PCDH9: variants seen among roughly 807,000 people sequenced by gnomAD.
PCDH9 encodes protocadherin 9.
In PCDH9, 24 loss-of-function variants were observed where a neutral mutation model predicts 70.6. That is an observed-to-expected ratio of 0.34 (90% CI 0.25 to 0.48). The LOEUF (loss-of-function observed/expected upper bound fraction) is 0.48. PCDH9 is among the 20% of genes least tolerant of loss of function. PCDH9 has a pLI of 0.99. For missense variants in PCDH9, 1,281 were observed against 1,503.6 expected (o/e 0.85, Z 2.45); for synonymous variants, 562 against 558.5 (o/e 1.01, Z -0.09).
intron 4 of PCDH9, among the ~76,000 whole-genome samples, chr13:66,351,135 T>A (rs1956285351): frequency 6.6e-6 from 1 of 152,152 alleles, no homozygotes; most frequent in Admixed American, 6.5e-5. Flanking sequence ...GACACTGTAC[T>A]AAATACTTTA....
In PCDH9 at chr13:66,571,746, A is replaced by C. The variant is rs77252222; in HGVS notation, c.3340+59464T>G. ...GAGAAACTCAAGAGTGACTGGGTAA[A>C]TAATTCTTCTGAGGTCACAAAATAG... On this transcript the variant is annotated intron_variant, in intron 4 of 4. Coordinates refer to ENST00000377865, the MANE Select transcript of PCDH9 (RefSeq NM_203487.3). Among the ~76,000 whole-genome samples the C allele has an allele frequency of 2.3e-4, 35 of 152,210 alleles. No homozygotes were observed. In the East Asian group the frequency reaches 6.6e-3, roughly 29 times the overall value.
chr13:66,383,796 A>C (rs907643608), intron 4 of PCDH9, among the ~76,000 whole-genome samples: 1 of 152,206 alleles, frequency 6.6e-6, no homozygotes, highest in African/African-American at 2.4e-5. Flanking sequence ...TTCCTTAGCA[A>C]GCTAATCTTC....
chr13:66,673,746 T>C (rs2078208024), intron 3 of PCDH9, among the ~76,000 whole-genome samples: 1 of 152,152 alleles, frequency 6.6e-6, no homozygotes, highest in Admixed American at 6.6e-5. Context: ...AACACACCAT[T>C]TGTTCTCAAT....
At chr13:66,825,126 G>C (rs2080795218) in intron 3 of PCDH9, 1 of 151,558 alleles carries the variant, frequency 6.6e-6, no homozygotes, top group Admixed American at 6.6e-5. Flanking sequence ...ATGTAAAAGA[G>C]AAAAGTGGTT....
intron 2 of PCDH9, among the ~76,000 whole-genome samples, chr13:67,023,865 A>C (rs182418143): frequency 6.6e-6 from 1 of 152,360 alleles, no homozygotes; most frequent in African/African-American, 2.4e-5. Context: ...AAAGTCTATC[A>C]GAAAGAATAT....
intron 3 of PCDH9, among the ~76,000 whole-genome samples, chr13:66,816,814 G>T (rs2080613357): frequency 4.6e-5 from 7 of 151,356 alleles, no homozygotes; most frequent in Admixed American, 4.6e-4. Context: ...AATCCCCGTG[G>T]ATTGAAATTA....
intron 2 of PCDH9, among the ~76,000 whole-genome samples, chr13:67,136,849 G>C (rs1270488225): frequency 1.3e-5 from 2 of 151,972 alleles, no homozygotes; most frequent in Non-Finnish European, 2.9e-5. Flanking sequence ...GTTTACAAAG[G>C]TTAGTTTATA....
At chr13:67,189,722 C>T (rs746360054) in intron 2 of PCDH9, among the ~76,000 whole-genome samples, 5 of 151,758 alleles carry the variant, frequency 3.3e-5, no homozygotes, top group Admixed American at 1.3e-4. Flanking sequence ...AAAGCAATAA[C>T]GAGGCAGTAC....
intron 2 of PCDH9, among the ~76,000 whole-genome samples, chr13:67,114,309 T>C (rs1194806741): frequency 6.6e-6 from 1 of 152,202 alleles, no homozygotes; most frequent in Non-Finnish European, 1.5e-5. Flanking sequence ...CTGTGCTTTA[T>C]ACATGAAAAG....
At chr13:66,356,461 G>A (rs1956384072) in intron 4 of PCDH9, among the ~76,000 whole-genome samples, 1 of 151,840 alleles carries the variant, frequency 6.6e-6, no homozygotes, top group Non-Finnish European at 1.5e-5. Context: ...CCTCTCTGCA[G>A]GTTCATAATT....
chr13:66,395,975 A>G (rs1957095476), intron 4 of PCDH9, among the ~76,000 whole-genome samples: 1 of 152,234 alleles, frequency 6.6e-6, no homozygotes. Flanking sequence ...ATGATTTAAA[A>G]AGTATTTCTT....
intron 3 of PCDH9, among the ~76,000 whole-genome samples, chr13:66,760,965 C>T (rs1355623584): frequency 3.3e-5 from 5 of 152,148 alleles, no homozygotes; most frequent in Non-Finnish European, 7.4e-5. Flanking sequence ...TTGTCTGCTC[C>T]TGAACCCTGT....
chr13:67,225,485 T>C lies in PCDH9; in HGVS notation c.2956A>G (p.Thr986Ala). 2 of 1,614,084 alleles carry C rather than the reference T, an allele frequency of 1.2e-6. No homozygotes were observed. The highest frequency in any genetic ancestry group is 1.7e-6 in the Non-Finnish European group (2 of 1,179,918). The change falls in exon 2 of 5, where the codon ACT (threonine) becomes GCT (alanine). Residue 986 changes from threonine to alanine, a missense_variant. Transcript: ENST00000377865. ...GAGGCACTGAAGTGATCTGAACTAGTGGAAGAGCGTTTAGAAAGGGTGTCA... is the reference window on the plus strand; with the variant it reads ...GAGGCACTGAAGTGATCTGAACTAGCGGAAGAGCGTTTAGAAAGGGTGTCA... Reference protein sequence around the residue: ...GCDTLSKRSSTSSDHFSASEC... With the variant: ...GCDTLSKRSSASSDHFSASEC...
intron 2 of PCDH9, among the ~76,000 whole-genome samples, chr13:66,976,286 T>C (rs543831470): frequency 1.3e-5 from 2 of 152,194 alleles, no homozygotes; most frequent in Middle Eastern, 6.8e-3. Context: ...TCATTTTAAG[T>C]AATTAATAGA....
At chr13:66,335,042 G>C (rs185515627) in intron 4 of PCDH9, among the ~76,000 whole-genome samples, 1 of 152,168 alleles carries the variant, frequency 6.6e-6, no homozygotes, top group East Asian at 1.9e-4. Context: ...GTGTGGCATA[G>C]TTAGGACTGC....
intron 3 of PCDH9, among the ~76,000 whole-genome samples, chr13:66,751,294 C>T (rs960579309): frequency 6.6e-6 from 1 of 151,890 alleles, no homozygotes. Context: ...TTTGGATCTC[C>T]CAATGACTTC....
chr13:66,328,495 A>G (rs1293820362), intron 4 of PCDH9, among the ~76,000 whole-genome samples: 1 of 152,226 alleles, frequency 6.6e-6, no homozygotes, highest in Non-Finnish European at 1.5e-5. Flanking sequence ...AATACAGAAA[A>G]TTTACAAGGT....
chr13:66,699,319 C>G (rs1186666511), intron 3 of PCDH9, among the ~76,000 whole-genome samples: 1 of 152,132 alleles, frequency 6.6e-6, no homozygotes, highest in Non-Finnish European at 1.5e-5. Flanking sequence ...CCTGGCATGT[C>G]TGGGATCTAG....
intron 3 of PCDH9, among the ~76,000 whole-genome samples, chr13:66,680,018 T>C (rs1043033146): frequency 1.3e-5 from 2 of 151,996 alleles, no homozygotes; most frequent in Non-Finnish European, 2.9e-5. Context: ...TTCTTTCTTG[T>C]TATGTGGTAA....
Sources: allele counts gnomAD v4.1 joint callset (sites outside exome capture counted in the v4.1 genomes callset), GRCh38; gene constraint gnomAD v4.1.1; transcripts MANE v1.5; gene names NCBI Gene and HGNC (gene_info 2026-07-23, HGNC 2026-07-21).